TASP1: variants seen among roughly 807,000 people sequenced by gnomAD.
TASP1 encodes taspase 1.
Under a neutral mutation model 56.6 loss-of-function variants are expected in TASP1, and 16 were observed. That is an observed-to-expected ratio of 0.28 (90% CI 0.19 to 0.43). The LOEUF (loss-of-function observed/expected upper bound fraction) is 0.43. Among genes scored for constraint, TASP1 ranks in the 20% least tolerant of loss-of-function variants. The pLI is 1.00. For synonymous variants in TASP1, 179 were observed against 184.2 expected (o/e 0.97, Z 0.23); for missense variants, 393 against 511.6 (o/e 0.77, Z 2.24).
the TASP1 span, among the ~76,000 whole-genome samples, chr20:13,249,209 T>G: frequency 1.3e-5 from 2 of 152,210 alleles, no homozygotes; most frequent in Non-Finnish European, 1.5e-5. Context: ...CCTAATGATC[T>G]TCTGTTCTCC....
intron 8 of TASP1, among the ~76,000 whole-genome samples, chr20:13,551,342 A>C (rs2045976162): frequency 6.6e-6 from 1 of 152,196 alleles, no homozygotes; most frequent in South Asian, 2.1e-4. Context: ...TTAATTAAAA[A>C]CTTAAATTAC....
chr20:13,630,939 T>C (rs1328405679), intron 1 of TASP1, among the ~76,000 whole-genome samples: 1 of 152,110 alleles, frequency 6.6e-6, no homozygotes, highest in East Asian at 1.9e-4. Context: ...ATGTTATTTT[T>C]TAAAACAATT....
the TASP1 span, among the ~76,000 whole-genome samples, chr20:13,268,354 CTCTCTCTCT>C: frequency 1.7e-4 from 1 of 5,842 alleles, no homozygotes; most frequent in African/African-American, 2.7e-3. Context: ...CTTCCTCTCT[CTCTCTCTCT>C]CTCTCTCTCT....
the TASP1 span, among the ~76,000 whole-genome samples, chr20:13,147,332 A>G: frequency 6.6e-6 from 1 of 152,182 alleles, no homozygotes; most frequent in Non-Finnish European, 1.5e-5. Flanking sequence ...GAAGCTTGTC[A>G]GTGCTAATGT....
At chr20:13,154,121 T>C in the TASP1 span, 247,761 of 1,613,864 alleles carry the variant, frequency 0.15, 19,823 homozygotes, top group Admixed American at 0.22. Context: ...TGCTTCTTTA[T>C]ATGCCTGGTA....
chr20:13,574,557 T>C (rs2046833092), intron 6 of TASP1, among the ~76,000 whole-genome samples: 1 of 152,198 alleles, frequency 6.6e-6, no homozygotes, highest in African/African-American at 2.4e-5. Context: ...GATATTTAAA[T>C]AGTTGTTATA....
chr20:13,432,580 G>A (rs1003321099), intron 12 of TASP1, among the ~76,000 whole-genome samples: 8 of 152,044 alleles, frequency 5.3e-5, no homozygotes, highest in Non-Finnish European at 1.2e-4. Flanking sequence ...GCCTATGTTC[G>A]CCAGGTTTTA....
chr20:13,414,914 A>G (rs919341041), intron 13 of TASP1, among the ~76,000 whole-genome samples: 15 of 152,074 alleles, frequency 9.9e-5, no homozygotes, highest in African/African-American at 2.7e-4. Flanking sequence ...AGCCTTTTCT[A>G]CGCAATATGA....
chr20:13,530,721 C>G (rs764718245), intron 9 of TASP1, among the ~76,000 whole-genome samples: 13 of 152,154 alleles, frequency 8.5e-5, no homozygotes, highest in South Asian at 2.1e-4. Context: ...TTATGATACC[C>G]TTCCTTAGTT....
intron 7 of TASP1, among the ~76,000 whole-genome samples, chr20:13,564,761 GA>G (rs1291460181): frequency 6.6e-6 from 1 of 151,978 alleles, no homozygotes; most frequent in Non-Finnish European, 1.5e-5. Context: ...CAGCACTTTG[GA>G]GGCCGAGGCA....
intron 10 of TASP1, among the ~76,000 whole-genome samples, chr20:13,501,789 T>A (rs1054312045): frequency 6.6e-6 from 1 of 151,824 alleles, no homozygotes; most frequent in Non-Finnish European, 1.5e-5. Flanking sequence ...GAAATATACT[T>A]TACTATACAG....
At chr20:13,483,442 G>T (rs1322005048) in intron 10 of TASP1, 105 bp from the exon 11 acceptor site, 7 of 662,524 alleles carry the variant, frequency 1.1e-5, no homozygotes, top group Non-Finnish European at 1.6e-5. Flanking sequence ...AGAGTAGTTA[G>T]CTGGGAAAAT....
the TASP1 span, among the ~76,000 whole-genome samples, chr20:13,214,546 CACACACACACACACACAG>C: frequency 3.0e-5 from 4 of 133,702 alleles, no homozygotes; most frequent in Non-Finnish European, 4.7e-5. Context: ...CACACACACA[CACACACACACACACACAG>C]AGAGAGAGAG....
intron 6 of TASP1, among the ~76,000 whole-genome samples, chr20:13,571,930 A>G (rs920017523): frequency 6.6e-6 from 1 of 152,092 alleles, no homozygotes; most frequent in African/African-American, 2.4e-5. Context: ...TATTTCCCAA[A>G]TGGGAAATTC....
chr20:13,413,154 G>A (rs957704631), intron 13 of TASP1, among the ~76,000 whole-genome samples: 2 of 152,044 alleles, frequency 1.3e-5, no homozygotes, highest in African/African-American at 2.4e-5. Flanking sequence ...ATCCTGGCAC[G>A]ACCTCATGAG....
chr20:13,418,843 G>A (rs2042345683), intron 12 of TASP1, among the ~76,000 whole-genome samples: 1 of 152,136 alleles, frequency 6.6e-6, no homozygotes, highest in Non-Finnish European at 1.5e-5. Flanking sequence ...TGCATAACCA[G>A]AATTGAATGA....
At chr20:13,322,879 C>A in the TASP1 span, among the ~76,000 whole-genome samples, 1 of 152,184 alleles carries the variant, frequency 6.6e-6, no homozygotes, top group Admixed American at 6.5e-5. Context: ...TCCCCACCCC[C>A]GCTGCCCTGA....
At chr20:13,512,316 T>C (rs567874825) in intron 10 of TASP1, among the ~76,000 whole-genome samples, 2 of 152,140 alleles carry the variant, frequency 1.3e-5, no homozygotes, top group African/African-American at 4.8e-5. Flanking sequence ...TGTGAGATGG[T>C]ATCTCATTGT....
the TASP1 span, chr20:13,160,010 G>A: frequency 6.3e-7 from 1 of 1,592,074 alleles, no homozygotes; most frequent in East Asian, 2.3e-5. Context: ...AAGGGCTTTT[G>A]CAAGGCATAT....
Sources: gnomAD v4.1 joint callset for allele counts (sites outside exome capture counted in the v4.1 genomes callset) on GRCh38, gnomAD v4.1.1 for gene constraint, MANE v1.5 for transcripts, NCBI Gene and HGNC (gene_info 2026-07-23, HGNC 2026-07-21) for gene names.